The following EIF4E3 variants were observed in gnomAD, a reference collection of about 807,000 sequenced individuals.
EIF4E3 encodes the protein eukaryotic translation initiation factor 4E family member 3.
In EIF4E3, 26 loss-of-function variants were observed where a neutral mutation model predicts 31.7. That is an observed-to-expected ratio of 0.82 (90% CI 0.60 to 1.14). EIF4E3 has a LOEUF of 1.14. Among genes scored for constraint, EIF4E3 ranks in the 50% most tolerant of loss-of-function variants. EIF4E3 has a pLI of 0.00. For missense variants in EIF4E3, 304 were observed against 270.9 expected, an observed-to-expected ratio of 1.12 and a Z score of -0.86; for synonymous variants, 128 against 107.7, an observed-to-expected ratio of 1.19 and a Z score of -1.17.
chr3:71,716,897 T>C (rs1193746343), intron 1 of EIF4E3, among the ~76,000 whole-genome samples: 3 of 152,164 alleles, frequency 2.0e-5, no homozygotes, highest in African/African-American at 4.8e-5. Flanking sequence ...CAATCCTCCA[T>C]TCAGACTTCC....
Position 71,725,203 on chromosome 3 carries a change from G to T in EIF4E3, c.165C>A (p.Phe55Leu). 1.8e-6 allele frequency: 2 copies of T among 1,124,790 alleles called. No individual in the cohort carries two copies. The highest frequency in any genetic ancestry group is 2.6e-5 in the South Asian group (1 of 38,214). The allele number at this position is 1,124,790 out of a possible 1,614,324, so 69.7% of individuals were successfully genotyped here. A position where few individuals can be genotyped will look rare whatever the true frequency, so the allele number is the denominator to read the frequency against. The change falls in exon 1 of 7, where the codon TTC (phenylalanine) becomes TTA (leucine). Residue 55 changes from phenylalanine (F) to leucine (L), a missense_variant. Physicochemically the swap from Phe to Leu is conservative, Grantham distance 22. Transcript: ENST00000425534. The surrounding 1 kb of genome is among the most constrained non-coding windows in gnomAD (Gnocchi z 6.1). ...GGVPLHSSWT[F>L]WLDRSLPGAT... ...CCGCGCCCCCTCACCTGTCGAGCCAGAAGGTCCAGGACGAGTGCAGCGGGA... is the reference window on the plus strand; with the variant it reads ...CCGCGCCCCCTCACCTGTCGAGCCATAAGGTCCAGGACGAGTGCAGCGGGA...
the EIF4E3 span, among the ~76,000 whole-genome samples, chr3:71,664,429 A>G: frequency 1.3e-5 from 2 of 151,580 alleles, no homozygotes; most frequent in African/African-American, 4.8e-5. Context: ...CATCTTCATG[A>G]TTTCACCCCA....
chr3:71,692,598 CT>C (rs749669628), intron 5 of EIF4E3, among the ~76,000 whole-genome samples: 531 of 96,096 alleles, frequency 5.5e-3, no homozygotes, highest in Non-Finnish European at 4.3e-3. Flanking sequence ...CCCAGGTCTT[CT>C]TTTTTTTTTT....
chr3:71,731,564 G>A (rs573700143), intron 1 of EIF4E3, among the ~76,000 whole-genome samples: 2 of 152,288 alleles, frequency 1.3e-5, no homozygotes, highest in South Asian at 2.1e-4. Flanking sequence ...TGTCCACCCA[G>A]TGCCTAGTGC....
intron 1 of EIF4E3, among the ~76,000 whole-genome samples, chr3:71,712,488 T>C (rs2108083278): frequency 6.6e-6 from 1 of 152,022 alleles, no homozygotes; most frequent in East Asian, 1.9e-4. Flanking sequence ...GCATGAAAAA[T>C]CTATCACTTT....
At position 71,682,520 on chromosome 3, in the gene EIF4E3, T is replaced by A. The variant is rs2048936183; in HGVS notation, c.*2162A>T. Reference sequence around the variant, plus strand: ...AAGTCTATTATGATTAAATATTCAATTAAAACAATTTCCAAACCAAAATCT... The same window carrying A: ...AAGTCTATTATGATTAAATATTCAAATAAAACAATTTCCAAACCAAAATCT... On this transcript the variant is annotated 3_prime_UTR_variant, in exon 7 of 7. Transcript: ENST00000425534. The A allele has an allele frequency of 6.6e-6, 1 of 152,236 alleles. No individual in the cohort carries two copies. Among genetic ancestry groups the A allele is most frequent in the South Asian group, 2.1e-4 (1 of 4,836 alleles). The allele number at this position is 152,236 out of a possible 1,614,324, so 9.4% of individuals were successfully genotyped here.
At chr3:71,732,799 A>C (rs374638188) in intron 1 of EIF4E3, among the ~76,000 whole-genome samples, 2 of 152,378 alleles carry the variant, frequency 1.3e-5, no homozygotes, top group African/African-American at 4.8e-5. Flanking sequence ...GGAAAGTCCA[A>C]AAACATGTGC....
intron 1 of EIF4E3, among the ~76,000 whole-genome samples, chr3:71,748,350 C>T (rs901657578): frequency 8.5e-5 from 13 of 152,168 alleles, no homozygotes; most frequent in African/African-American, 2.7e-4. Flanking sequence ...TGGGTGCACG[C>T]GGAGGCCCTG....
At chr3:71,738,883 T>A (rs1398134471) in intron 1 of EIF4E3, among the ~76,000 whole-genome samples, 1 of 150,354 alleles carries the variant, frequency 6.7e-6, no homozygotes, top group Non-Finnish European at 1.5e-5. Context: ...CAAGATAGAT[T>A]ACATTCTGAA....
At chr3:71,754,192 G>C, upstream of EIF4E3, 1 of 1,421,824 alleles carries the variant, frequency 7.0e-7, no homozygotes, top group Non-Finnish European at 9.3e-7. The surrounding 1 kb of genome is among the most constrained non-coding windows in gnomAD (Gnocchi z 5.8). Flanking sequence ...CGGGAGCGCA[G>C]CCTGCACCGC....
intron 4 of EIF4E3, 107 bp downstream of exon 4, chr3:71,696,353 G>T: frequency 8.4e-7 from 1 of 1,185,806 alleles, no homozygotes. Context: ...CAGCCTGTTT[G>T]GGGACTGCCA....
At chr3:71,671,900 T>C (rs1172549094), downstream of EIF4E3, among the ~76,000 whole-genome samples, 2 of 152,004 alleles carry the variant, frequency 1.3e-5, no homozygotes, top group African/African-American at 2.4e-5. Context: ...CTTCTAAATA[T>C]AGACCATAGA....
chr3:71,723,406 C>G (rs2049581101), intron 1 of EIF4E3, among the ~76,000 whole-genome samples: 1 of 152,172 alleles, frequency 6.6e-6, no homozygotes, highest in Non-Finnish European at 1.5e-5. Flanking sequence ...TATTAAAGAT[C>G]TGGACACTGT....
chr3:71,692,025 G>A (rs754317491), intron 5 of EIF4E3, among the ~76,000 whole-genome samples: 4 of 152,116 alleles, frequency 2.6e-5, no homozygotes, highest in East Asian at 1.9e-4. Flanking sequence ...GATGGATGCC[G>A]AACTGTCAAT....
the EIF4E3 span, among the ~76,000 whole-genome samples, chr3:71,664,037 G>A: frequency 6.6e-6 from 1 of 152,194 alleles, no homozygotes; most frequent in Non-Finnish European, 1.5e-5. Flanking sequence ...CCCCTGCAGG[G>A]AGGAGCGGCA....
upstream of EIF4E3, chr3:71,754,578 C>G: frequency 7.1e-7 from 1 of 1,404,360 alleles, no homozygotes; most frequent in Non-Finnish European, 9.3e-7. The surrounding 1 kb of genome is among the most constrained non-coding windows in gnomAD (Gnocchi z 5.8). Flanking sequence ...GGAGCAGCGG[C>G]CCGACGGCGC....
upstream of EIF4E3, chr3:71,754,238 C>T (rs769024750): frequency 3.8e-6 from 5 of 1,314,204 alleles, no homozygotes; most frequent in Non-Finnish European, 4.9e-6. The surrounding 1 kb of genome is among the most constrained non-coding windows in gnomAD (Gnocchi z 5.8). Context: ...TGTGCCTGGC[C>T]GACGGGCTGC....
At chr3:71,736,394 A>C (rs1195395495) in intron 1 of EIF4E3, among the ~76,000 whole-genome samples, 1 of 152,252 alleles carries the variant, frequency 6.6e-6, no homozygotes, top group Admixed American at 6.5e-5. Flanking sequence ...ATAACTTGAA[A>C]GGAGACAAGA....
rs2048922198 is a variant in EIF4E3, at chr3:71,681,460, C to T, written c.*3222G>A. 1 of 152,268 alleles carries T rather than the reference C, an allele frequency of 6.6e-6. No homozygotes were observed. The highest frequency in any genetic ancestry group is 2.1e-4 in the South Asian group (1 of 4,838). 9.4% of individuals were successfully genotyped at this position (152,268 alleles called of 1,614,324 possible). ...TATTTTCAAACTCCAAACCCCAGCA[C>T]CACTTCTGTCTCTGAGAGGGAGAGG... On this transcript the variant is annotated 3_prime_UTR_variant, in exon 7 of 7. Transcript: ENST00000425534.
Sources: gnomAD v4.1 joint callset for allele counts (sites outside exome capture counted in the v4.1 genomes callset) on GRCh38, gnomAD v4.1.1 for gene constraint, Gnocchi (gnomAD v3.1) non-coding constraint, MANE v1.5 for transcripts, NCBI Gene and HGNC (gene_info 2026-07-23, HGNC 2026-07-21) for gene names.